Variants in NUP54 observed in about 807,000 individuals in gnomAD.
NUP54 encodes nucleoporin p54.
Under a neutral mutation model 66.4 loss-of-function variants are expected in NUP54, and 27 were observed. The ratio of observed to expected loss-of-function variants is 0.41; its 90% CI spans 0.30 to 0.56. The LOEUF (loss-of-function observed/expected upper bound fraction) is 0.56. Ranked by LOEUF, NUP54 falls within the 20% of genes least tolerant of loss-of-function variation. NUP54 has a pLI of 0.34. For missense variants in NUP54, 486 were observed against 596.3 expected (o/e 0.82, Z 1.93); for synonymous variants, 206 against 210.7 (o/e 0.98, Z 0.19).
chr4:76,135,425 G>GA (rs1247022402), intron 4 of NUP54, among the ~76,000 whole-genome samples: 3 of 152,004 alleles, frequency 2.0e-5, no homozygotes, highest in African/African-American at 7.2e-5. Context: ...ACCTCTTAGC[G>GA]ACTAAATACA....
At chr4:76,132,479 T>G in intron 6 of NUP54, 44 bp downstream of exon 6, 1 of 1,478,574 alleles carries the variant, frequency 6.8e-7, no homozygotes, top group South Asian at 1.4e-5. Context: ...TGTTTAGTTC[T>G]AAATCTTTCT....
chr4:76,115,615 T>C (rs1258341850), intron 11 of NUP54, 121 bp from the exon 12 acceptor site: 2 of 612,222 alleles, frequency 3.3e-6, no homozygotes, highest in African/African-American at 1.9e-5. Context: ...GTAAGTGCTC[T>C]AAATATAGAG....
intron 8 of NUP54, among the ~76,000 whole-genome samples, chr4:76,126,779 A>C (rs1054573399): frequency 2.0e-5 from 3 of 152,220 alleles, no homozygotes; most frequent in African/African-American, 7.2e-5. Context: ...TCATGGATGA[A>C]ATGATTTAAT....
Position 76,115,237 on chromosome 4 carries a change from C to T in NUP54, c.*129G>A. 1 of 788,174 alleles carries T rather than the reference C, an allele frequency of 1.3e-6. No homozygotes were observed. The highest frequency in any genetic ancestry group is 3.8e-5 in the Admixed American group (1 of 26,426). The allele number at this position is 788,174 out of a possible 1,614,324, so 48.8% of individuals were successfully genotyped here. The stretch of plus-strand genomic sequence containing the variant: ...TGATGAACAGTAATTTGTCAGTAAA[C>T]TTCTCAAAAAACCAATCCAAGAAAG... On this transcript the variant is annotated 3_prime_UTR_variant, in exon 12 of 12. Coordinates refer to ENST00000264883, the MANE Select transcript of NUP54 (RefSeq NM_017426.4).
rs1560679676 is a variant in NUP54 at position 76,125,851 on chromosome 4, AGGGGGAGGGGGAGG to A, written c.1057-1109_1057-1096del. ...GGGGGAGAGAGGGAGAGAGGGAGAGAGGGGGAGGGGGAGGGAGAGAGAGAGACAGAGAGAGAGGG... is the reference window on the plus strand; with the variant it reads ...GGGGGAGAGAGGGAGAGAGGGAGAGAGAGAGAGAGAGACAGAGAGAGAGGG... On this transcript the variant is annotated intron_variant, in intron 8 of 11. Transcript: ENST00000264883. Among the ~76,000 whole-genome samples the A allele has an allele frequency of 6.0e-4, 26 of 43,180 alleles. 1 individual carries two copies. In the East Asian group the frequency reaches 8.5e-3, roughly 14 times the overall value. The allele number at this position is 43,180 out of a possible 152,430, so 28.3% of individuals were successfully genotyped here. A position where few individuals can be genotyped will look rare whatever the true frequency, so the allele number is the denominator to read the frequency against.
In NUP54 at chr4:76,132,568, G is replaced by A. The variant is rs1730849796; in HGVS notation, c.862C>T (p.Leu288Phe). Residue 288 changes from leucine to phenylalanine, a missense_variant, in exon 6 of 12, where the codon CTT (leucine) becomes TTT (phenylalanine). Leu to Phe is a conservative substitution (Grantham distance 22). Around this residue, in one of 4 missense-constraint regions of NUP54, gnomAD observed 217 missense variants for 247.9 expected, o/e 0.88. Transcript: ENST00000264883. Reference protein sequence around the residue: ...GVTLSMTRTELSPAQIKQLLQ... With the variant: ...GVTLSMTRTEFSPAQIKQLLQ... ...AGCTGTTTGATCTGTGCAGGAGAAA[G>A]TTCTGTTCTAGTCATAGAAAGGGTT... 3 of 1,613,798 alleles carry A rather than the reference G, an allele frequency of 1.9e-6. 1 individual carries two copies. The Admixed American group carries it at 5.0e-5, about 27-fold the overall frequency.
In NUP54 at chr4:76,136,359, G is replaced by A; in HGVS notation, c.349C>T (p.Leu117=). Residue 117 remains leucine, a synonymous_variant, in exon 4 of 12, where the codon CTG becomes TTG. Coordinates refer to ENST00000264883, the MANE Select transcript of NUP54 (RefSeq NM_017426.4). The part of the protein sequence containing the change: ...PTQAPTQSNQ[L]INTASALSAP... ...GAAAGAGCACTCGCAGTATTTATCA[G>A]CTGGTTGGACTGGGTAGGAGCTTGT... 6.2e-7 allele frequency: 1 copy of A among 1,614,094 alleles called. No homozygotes were observed.
intron 9 of NUP54, chr4:76,124,435 A>G (rs1730368720): frequency 3.4e-6 from 1 of 298,298 alleles, no homozygotes; most frequent in East Asian, 5.5e-5. Flanking sequence ...AACTGTCACT[A>G]AAATACGAAC....
chr4:76,125,460 C>T (rs1337255738), intron 8 of NUP54, among the ~76,000 whole-genome samples: 1 of 151,094 alleles, frequency 6.6e-6, no homozygotes, highest in Non-Finnish European at 1.5e-5. Flanking sequence ...ATGGCAAGAC[C>T]TTGTCTCTAC....
Position 76,134,302 on chromosome 4 carries a change from A to C in NUP54, c.583T>G (p.Phe195Val). The C allele has an allele frequency of 6.2e-7, 1 of 1,613,820 alleles. No individual in the cohort carries two copies. Among genetic ancestry groups the C allele is most frequent in the Non-Finnish European group, 8.5e-7 (1 of 1,179,858 alleles). ...KDEDGLVVLV[F>V]NKKETEIRSQ... ...CGAATCTCTGTTTCTTTTTTGTTGA[A>C]AACTAAAACCACTAGCCCATCTTCA... The change falls in exon 5 of 12, where the codon TTC (phenylalanine) becomes GTC (valine). Residue 195 changes from phenylalanine to valine, a missense_variant. Physicochemically the swap from Phe to Val is conservative, Grantham distance 50. Coordinates refer to ENST00000264883, the MANE Select transcript of NUP54 (RefSeq NM_017426.4).
intron 1 of NUP54, among the ~76,000 whole-genome samples, chr4:76,146,787 T>C (rs932124366): frequency 1.5e-4 from 23 of 152,250 alleles, no homozygotes; most frequent in Non-Finnish European, 3.2e-4. Flanking sequence ...ACAACCCACG[T>C]GCATATGAAA....
At chr4:76,143,206 G>C (rs1731339175) in intron 3 of NUP54, among the ~76,000 whole-genome samples, 1 of 152,168 alleles carries the variant, frequency 6.6e-6, no homozygotes, top group Admixed American at 6.5e-5. Context: ...AAGAAATACA[G>C]AGAACAAAGG....
intron 9 of NUP54, among the ~76,000 whole-genome samples, chr4:76,121,282 G>C (rs1730223292): frequency 6.6e-6 from 1 of 152,028 alleles, no homozygotes; most frequent in Non-Finnish European, 1.5e-5. Flanking sequence ...TCCCTACTCT[G>C]TTCCATGCAT....
intron 9 of NUP54, 60 bp from the exon 10 acceptor site, chr4:76,118,254 T>C: frequency 6.8e-7 from 1 of 1,460,776 alleles, no homozygotes; most frequent in South Asian, 1.2e-5. Flanking sequence ...ATGCAAGTAG[T>C]AGTAGTACAA....
Position 76,115,284 on chromosome 4 carries a change from ATGTGGTC to A in NUP54, c.*75_*81del. ...AAAGAATTGTTTTCTTTTTCCCTCC[ATGTGGTC>A]GGTTTCATTCTTAAGGAAGGTCTGA... On this transcript the variant is annotated 3_prime_UTR_variant, in exon 12 of 12. Coordinates refer to ENST00000264883, the MANE Select transcript of NUP54 (RefSeq NM_017426.4). The A allele has an allele frequency of 1.6e-6, 2 of 1,223,872 alleles. No individual in the cohort carries two copies. The highest frequency in any genetic ancestry group is 2.2e-6 in the Non-Finnish European group (2 of 920,724). 75.8% of individuals were successfully genotyped at this position (1,223,872 alleles called of 1,614,324 possible).
chr4:76,141,037 A>G (rs62300627), intron 3 of NUP54, among the ~76,000 whole-genome samples: 19,961 of 152,172 alleles, frequency 0.13, 1,515 homozygotes, highest in East Asian at 0.35. Context: ...TTTGGCTTGG[A>G]AAGGACTTCT....
At chr4:76,141,375 G>A (rs894719396) in intron 3 of NUP54, among the ~76,000 whole-genome samples, 5 of 151,850 alleles carry the variant, frequency 3.3e-5, no homozygotes, top group African/African-American at 1.2e-4. Flanking sequence ...TACTACTTAC[G>A]TTCTGATGGC....
At chr4:76,138,171 T>C (rs1461584196) in intron 3 of NUP54, among the ~76,000 whole-genome samples, 1 of 152,220 alleles carries the variant, frequency 6.6e-6, no homozygotes, top group Non-Finnish European at 1.5e-5. Context: ...TGGCAAGAAC[T>C]GGACTAGAAC....
rs1730852694 is a variant in NUP54, at chr4:76,132,603, T to C, written c.827A>G (p.Gln276Arg). 1 of 1,614,130 alleles carries C rather than the reference T, an allele frequency of 6.2e-7. No homozygotes were observed. Among genetic ancestry groups the C allele is most frequent in the Admixed American group, 1.7e-5 (1 of 60,010 alleles). The change falls in exon 6 of 12, where the codon CAA becomes CGA. Residue 276 changes from glutamine to arginine, a missense_variant. By Grantham distance (43) the Gln-to-Arg change is conservative (BLOSUM62 1). Around this residue, in one of 4 missense-constraint regions of NUP54, gnomAD observed 217 missense variants for 247.9 expected, o/e 0.88. Transcript: ENST00000264883. ...AGTCATAGAAAGGGTTACACCAAGT[T>C]GCTGCAATTGTGTTTTTATATTGGC... is the stretch of plus-strand genomic sequence containing the variant. ...EQANIKTQLQ[Q>R]LGVTLSMTRT...
Sources: gnomAD v4.1 joint callset for allele counts (sites outside exome capture counted in the v4.1 genomes callset) on GRCh38, gnomAD v4.1.1 for gene constraint, gnomAD v4.1.1 regional missense constraint, MANE v1.5 for transcripts, NCBI Gene and HGNC (gene_info 2026-07-23, HGNC 2026-07-21) for gene names.